ZNG1A: variants seen among roughly 807,000 people sequenced by gnomAD.
ZNG1A encodes Zn regulated GTPase metalloprotein activator 1A.
chr9:161,445 G>A, the ZNG1A span: 2 of 508,898 alleles, frequency 3.9e-6, no homozygotes, highest in Non-Finnish European at 6.2e-6. Context: ...TCCAGCCTGG[G>A]CAACAGAGTG....
At chr9:149,512 T>C in the ZNG1A span, 1 of 152,050 alleles carries the variant, frequency 6.6e-6, no homozygotes, top group East Asian at 1.9e-4. Flanking sequence ...CCTGACTCTT[T>C]TTCAAGAAAA....
At chr9:138,392 C>A in the ZNG1A span, among the ~76,000 whole-genome samples, 1 of 116,178 alleles carries the variant, frequency 8.6e-6, no homozygotes, top group East Asian at 2.6e-4. Context: ...TTTTTTCTTT[C>A]TTTCTTTTTT....
At chr9:154,875 T>G in the ZNG1A span, 2 of 1,356,158 alleles carry the variant, frequency 1.5e-6, no homozygotes, top group Non-Finnish European at 2.0e-6. Context: ...AAGAGGAATG[T>G]TAACAAATCA....
chr9:160,205 A>C, the ZNG1A span: 1 of 454,404 alleles, frequency 2.2e-6, no homozygotes, highest in Non-Finnish European at 4.4e-6. Context: ...ATACCCCATG[A>C]TATCAATTAC....
At chr9:165,317 AATTC>A in the ZNG1A span, among the ~76,000 whole-genome samples, 1 of 151,338 alleles carries the variant, frequency 6.6e-6, no homozygotes, top group African/African-American at 2.4e-5. Context: ...AATTTTTAAA[AATTC>A]ATTGATTTTT....
chr9:137,367 G>GGA, the ZNG1A span, among the ~76,000 whole-genome samples: 1 of 94,782 alleles, frequency 1.1e-5, no homozygotes, highest in Admixed American at 1.2e-4. Flanking sequence ...TCTCCAAGGG[G>GGA]AAAAAAAAAA....
chr9:148,859 T>G, the ZNG1A span: 16 of 148,490 alleles, frequency 1.1e-4, no homozygotes, highest in African/African-American at 4.1e-4. Flanking sequence ...TTGCAGCTAC[T>G]GCTTAGGGAT....
the ZNG1A span, among the ~76,000 whole-genome samples, chr9:145,363 C>T: frequency 3.3e-5 from 5 of 150,440 alleles, no homozygotes; most frequent in African/African-American, 9.8e-5. Flanking sequence ...GAATACTATG[C>T]AGCCATAAAA....
the ZNG1A span, among the ~76,000 whole-genome samples, chr9:169,683 G>A: frequency 1.3e-5 from 2 of 149,480 alleles, no homozygotes; most frequent in African/African-American, 5.0e-5. Flanking sequence ...TGATTGGTCA[G>A]CACCCATCAA....
the ZNG1A span, chr9:172,083 G>C: frequency 1.2e-6 from 2 of 1,610,862 alleles, no homozygotes; most frequent in Non-Finnish European, 1.7e-6. Flanking sequence ...CTTCTTACCA[G>C]GGTCTGCTAA....
the ZNG1A span, among the ~76,000 whole-genome samples, chr9:164,937 T>C: frequency 1.3e-5 from 2 of 152,032 alleles, no homozygotes; most frequent in Admixed American, 6.5e-5. Context: ...TCATGCAAGA[T>C]ATAGCAAGGG....
At chr9:162,993 C>G in the ZNG1A span, among the ~76,000 whole-genome samples, 1,494 of 152,030 alleles carry the variant, frequency 9.8e-3, 17 homozygotes, top group African/African-American at 0.034. Context: ...AGTTTCCAAA[C>G]TACCAATTCA....
chr9:174,057 G>C, the ZNG1A span, among the ~76,000 whole-genome samples: 1 of 151,056 alleles, frequency 6.6e-6, no homozygotes, highest in African/African-American at 2.4e-5. Flanking sequence ...TGAGGCAGGA[G>C]AATGGCGTGA....
At chr9:127,551 C>G in the ZNG1A span, among the ~76,000 whole-genome samples, 3 of 152,198 alleles carry the variant, frequency 2.0e-5, no homozygotes, top group Non-Finnish European at 4.4e-5. Flanking sequence ...CATCCCTTTA[C>G]CTTAAGTTTA....
the ZNG1A span, among the ~76,000 whole-genome samples, chr9:128,361 C>T: frequency 7.3e-5 from 11 of 151,250 alleles, no homozygotes; most frequent in African/African-American, 2.4e-4. Flanking sequence ...TTCTTGAAGG[C>T]TTTCTTCATA....
chr9:147,394 C>T, the ZNG1A span: 1 of 73,586 alleles, frequency 1.4e-5, no homozygotes, highest in Admixed American at 1.1e-4. Context: ...ATAAGAAAAA[C>T]ATCTCCTTTA....
the ZNG1A span, among the ~76,000 whole-genome samples, chr9:163,273 G>T: frequency 6.6e-6 from 1 of 151,498 alleles, no homozygotes; most frequent in African/African-American, 2.4e-5. Context: ...AATAAAGTAA[G>T]ACAGGAGTGT....
At chr9:159,221 C>T in the ZNG1A span, among the ~76,000 whole-genome samples, 1 of 148,824 alleles carries the variant, frequency 6.7e-6, no homozygotes, top group East Asian at 1.9e-4. Flanking sequence ...ACTAATTAAT[C>T]CAACATATTC....
chr9:148,696 C>G, the ZNG1A span: 1 of 144,494 alleles, frequency 6.9e-6, no homozygotes, highest in African/African-American at 2.6e-5. Flanking sequence ...CTCCTAATTT[C>G]TTGAACTCTC....
Sources: gnomAD v4.1 joint callset for allele counts (sites outside exome capture counted in the v4.1 genomes callset) on GRCh38, gnomAD v4.1.1 for gene constraint, MANE v1.5 for transcripts, NCBI Gene and HGNC (gene_info 2026-07-23, HGNC 2026-07-21) for gene names.